DGCR2: variants seen among roughly 807,000 people sequenced by gnomAD.
DGCR2 encodes the protein DiGeorge syndrome critical region gene 2.
A neutral mutation model predicts 51.6 loss-of-function variants in DGCR2; 24 were observed. That is an observed-to-expected ratio of 0.47 (90% confidence interval 0.34 to 0.65). The LOEUF is 0.65. DGCR2 is among the 30% of genes least tolerant of loss of function. The pLI, the probability that DGCR2 is intolerant of heterozygous loss-of-function variation, is 0.01. For synonymous variants in DGCR2, 340 were observed against 315.4 expected (o/e 1.08, Z -0.82); for missense variants, 765 against 772.1 (o/e 0.99, Z 0.11).
intron 2 of DGCR2, among the ~76,000 whole-genome samples, chr22:19,071,276 T>C (rs1361642250): frequency 6.6e-6 from 1 of 152,204 alleles, no homozygotes; most frequent in East Asian, 1.9e-4. Context: ...AGGAACACAC[T>C]GGAGAGCAAG....
chr22:19,113,928 A>G (rs2083344887), intron 1 of DGCR2, among the ~76,000 whole-genome samples: 1 of 151,984 alleles, frequency 6.6e-6, no homozygotes, highest in Non-Finnish European at 1.5e-5. Flanking sequence ...GCATGGTGGC[A>G]GACGCCTGTC....
rs1161142691 is a variant in DGCR2, at chr22:19,063,211, C to A, written c.616G>T (p.Ala206Ser). The change falls in exon 5 of 10, where the codon GCA (alanine) becomes TCA (serine). Residue 206 changes from alanine (A) to serine (S), a missense_variant. Coordinates refer to ENST00000263196, the MANE Select transcript of DGCR2 (RefSeq NM_005137.3). ...NRSLEGRWEV[A>S]FKGSSEVFLP... Reference sequence around the variant, plus strand: ...CACCAGAAGGGCTCACCTTTGAATGCCACCTCCCAGCGACCTTCCAAGGAG... The same window carrying A: ...CACCAGAAGGGCTCACCTTTGAATGACACCTCCCAGCGACCTTCCAAGGAG... The A allele has an allele frequency of 1.2e-6, 2 of 1,614,120 alleles. No homozygotes were observed. The highest frequency in any genetic ancestry group is 1.7e-6 in the Non-Finnish European group (2 of 1,179,980).
chr22:19,104,307 C>T (rs189299782), intron 1 of DGCR2, among the ~76,000 whole-genome samples: 45 of 152,310 alleles, frequency 3.0e-4, no homozygotes, highest in African/African-American at 7.0e-4. Context: ...CCTGTAGAAA[C>T]CCACGAGTCT....
chr22:19,063,443 A>T (rs1306788749), intron 4 of DGCR2, among the ~76,000 whole-genome samples, 165 bp from the exon 5 acceptor site: 1 of 151,898 alleles, frequency 6.6e-6, no homozygotes, highest in Non-Finnish European at 1.5e-5. Context: ...GGTTCAAGCA[A>T]TTCTCCTGCC....
chr22:19,122,165 G>A lies in DGCR2; in HGVS notation c.42C>T (p.Phe14=), dbSNP rs747126744. Residue 14 remains phenylalanine (F), a synonymous_variant, in exon 1 of 10, where the codon TTC becomes TTT. Transcript: ENST00000263196. ...GCTCGGTGACAGTGAGCACGAGCAG[G>A]AAGAGCAGCAGGAAGGCGCCGCTGT... is the stretch of plus-strand genomic sequence containing the variant. ...KADSGAFLLL[F]LLVLTVTEPL... is the part of the protein sequence containing the mutation. 10 of 1,513,058 alleles carry A rather than the reference G, an allele frequency of 6.6e-6. No homozygotes were observed. In the Admixed American group the frequency reaches 8.5e-5, roughly 13 times the overall value. 93.7% of individuals were successfully genotyped at this position (1,513,058 alleles called of 1,614,324 possible). A position where few individuals can be genotyped will look rare whatever the true frequency, so the allele number is the denominator to read the frequency against.
intron 1 of DGCR2, among the ~76,000 whole-genome samples, chr22:19,095,222 C>A (rs1200672988): frequency 1.3e-5 from 2 of 152,022 alleles, no homozygotes; most frequent in African/African-American, 4.8e-5. Flanking sequence ...ATTAGCCAGG[C>A]GTGGTGGTGC....
At position 19,041,263 on chromosome 22, in the gene DGCR2, AG is replaced by A; in HGVS notation, c.1190del (p.Pro397LeufsTer252). On this transcript the variant is annotated frameshift_variant, in exon 9 of 10. Transcript: ENST00000263196. LOFTEE classifies it high-confidence loss of function. ...LHHFNLGRRI[P>X]GFDYGPDGFG... ...ACCCGTCTGGGCCGTAATCAAAGCC[AG>A]GGATCCTGCGGCCGAGGTTGAAGTG... The A allele has an allele frequency of 1.9e-6, 3 of 1,614,134 alleles. No individual in the cohort carries two copies. The highest frequency in any genetic ancestry group is 2.5e-6 in the Non-Finnish European group (3 of 1,179,988).
At chr22:19,071,832 G>T (rs1043904667) in intron 2 of DGCR2, among the ~76,000 whole-genome samples, 5 of 152,070 alleles carry the variant, frequency 3.3e-5, no homozygotes, top group Admixed American at 3.3e-4. Flanking sequence ...CTTATTTTTT[G>T]ATCATAGTAT....
chr22:19,096,680 A>G (rs934251569), intron 1 of DGCR2, among the ~76,000 whole-genome samples: 2 of 152,154 alleles, frequency 1.3e-5, no homozygotes, highest in African/African-American at 4.8e-5. Flanking sequence ...GAAAGAGTTC[A>G]TTCACTGAAT....
rs567830332 is a variant in DGCR2 at position 19,120,843 on chromosome 22, T to C, written c.79+1285A>G. Among the ~76,000 whole-genome samples, 16 of 152,288 alleles carry C rather than the reference T, an allele frequency of 1.1e-4. No homozygotes were observed. The South Asian group carries it at 3.3e-3, about 32-fold the overall frequency. ...TGATACCCTCCTCCACAGGTAGCCCTTTTCCTGGCTTCTGTTCTTACCAAG... is the reference window on the plus strand; with the variant it reads ...TGATACCCTCCTCCACAGGTAGCCCCTTTCCTGGCTTCTGTTCTTACCAAG... On this transcript the variant is annotated intron_variant, in intron 1 of 9. Transcript: ENST00000263196.
chr22:19,048,316 C>A, intron 7 of DGCR2, 124 bp downstream of exon 7: 2 of 997,646 alleles, frequency 2.0e-6, no homozygotes, highest in South Asian at 2.9e-5. Flanking sequence ...ACAAACGCTG[C>A]CATTGCTGCT....
chr22:19,102,032 G>A lies in DGCR2; in HGVS notation c.80-12542C>T, dbSNP rs559154952. Reference sequence around the variant, plus strand: ...ATCGCATCACTATACTCCAGCCTGGGTGAAAGAGTGAGACAAAAAATAAAA... The same window carrying A: ...ATCGCATCACTATACTCCAGCCTGGATGAAAGAGTGAGACAAAAAATAAAA... On this transcript the variant is annotated intron_variant, in intron 1 of 9. Transcript: ENST00000263196. Among the ~76,000 whole-genome samples, 28 of 152,308 alleles carry A rather than the reference G, an allele frequency of 1.8e-4. 1 individual carries two copies. The highest frequency in any genetic ancestry group is 6.7e-4 in the African/African-American group (28 of 41,572).
At position 19,057,870 on chromosome 22, in the gene DGCR2, T is replaced by C. The variant is rs959473872; in HGVS notation, c.626-708A>G. On this transcript the variant is annotated intron_variant, in intron 5 of 9. Transcript: ENST00000263196. This position sits in a 1 kb window ranked among gnomAD's most constrained non-coding sequence, Gnocchi z 5.1. ...CTCTTTTGCAAGGTTCCAGGTGGGC[T>C]CTGGCCATGCCCAGGGCATGGCACA... 1.3e-5 allele frequency among the ~76,000 whole-genome samples: 2 copies of C among 152,098 alleles called. No individual in the cohort carries two copies. Among genetic ancestry groups the C allele is most frequent in the African/African-American group, 2.4e-5 (1 of 41,432 alleles).
At chr22:19,039,491 C>A (rs2082408129) in intron 9 of DGCR2, among the ~76,000 whole-genome samples, 1 of 152,100 alleles carries the variant, frequency 6.6e-6, no homozygotes, top group African/African-American at 2.4e-5. Flanking sequence ...AGGTGAAGAC[C>A]CGGCTCAGCA....
chr22:19,105,143 C>G (rs372484080), intron 1 of DGCR2, among the ~76,000 whole-genome samples: 20 of 152,110 alleles, frequency 1.3e-4, no homozygotes, highest in African/African-American at 4.8e-4. Flanking sequence ...GACAGCATGG[C>G]AAAGCCCCAT....
chr22:19,069,162 C>G (rs1302535883), intron 2 of DGCR2, among the ~76,000 whole-genome samples: 1 of 152,242 alleles, frequency 6.6e-6, no homozygotes, highest in Non-Finnish European at 1.5e-5. Context: ...CAAGGCTGCA[C>G]ACAGACAGAC....
intron 1 of DGCR2, among the ~76,000 whole-genome samples, chr22:19,103,134 G>C (rs538225513): frequency 6.6e-6 from 1 of 152,194 alleles, no homozygotes; most frequent in East Asian, 1.9e-4. Flanking sequence ...AGTGAAAGAA[G>C]CCAGACACAA....
chr22:19,121,080 GGGA>G (rs2146070463), intron 1 of DGCR2, among the ~76,000 whole-genome samples: 1 of 152,334 alleles, frequency 6.6e-6, no homozygotes, highest in South Asian at 2.1e-4. Context: ...TATCTGGGCT[GGGA>G]GCCTGGCTAG....
intron 7 of DGCR2, chr22:19,046,877 G>T: frequency 3.8e-6 from 1 of 266,022 alleles, no homozygotes. Flanking sequence ...CCCACAAATG[G>T]GTCATCCTTG....
Sources: allele counts gnomAD v4.1 joint callset (sites outside exome capture counted in the v4.1 genomes callset), GRCh38; gene constraint gnomAD v4.1.1; non-coding constraint Gnocchi (gnomAD v3.1); transcripts MANE v1.5; gene names NCBI Gene and HGNC (gene_info 2026-07-23, HGNC 2026-07-21).